The following PRSS3 variants were observed in gnomAD, a reference collection of about 807,000 sequenced individuals.
The protein encoded by PRSS3 is serine protease 3, also known as trypsin-3.
A neutral mutation model predicts 20.8 loss-of-function variants in PRSS3; 14 were observed. That is an observed-to-expected ratio of 0.67 (90% confidence interval 0.44 to 1.05). PRSS3 has a LOEUF of 1.05. Among genes scored for constraint, PRSS3 ranks in the 50% least tolerant of loss-of-function variants. The pLI, the probability that PRSS3 is intolerant of heterozygous loss-of-function variation, is 0.00. For missense variants in PRSS3, 237 were observed against 306.4 expected, an observed-to-expected ratio of 0.77 and a Z score of 1.69; for synonymous variants, 91 against 117.6, an observed-to-expected ratio of 0.77 and a Z score of 1.46.
chr9:33,777,749 T>A (rs1467657155), intron 1 of PRSS3, among the ~76,000 whole-genome samples: 1 of 151,212 alleles, frequency 6.6e-6, no homozygotes, highest in African/African-American at 2.4e-5. Context: ...AGTAAAAACT[T>A]CATCATTGTA....
intron 1 of PRSS3, among the ~76,000 whole-genome samples, chr9:33,774,199 C>G (rs1587382234): frequency 6.6e-6 from 1 of 152,112 alleles, no homozygotes; most frequent in Admixed American, 6.6e-5. Context: ...TTACCTTGTT[C>G]CTCCTGTAAC....
chr9:33,774,914 A>C (rs1375788455), intron 1 of PRSS3, among the ~76,000 whole-genome samples: 1 of 152,130 alleles, frequency 6.6e-6, no homozygotes, highest in Non-Finnish European at 1.5e-5. Flanking sequence ...TGAATCTGGG[A>C]GGCAGAGGTT....
chr9:33,755,010 A>AAT (rs1454803320), intron 1 of PRSS3, among the ~76,000 whole-genome samples: 2 of 152,046 alleles, frequency 1.3e-5, no homozygotes, highest in African/African-American at 2.4e-5. Context: ...AGCAATGGGT[A>AAT]ATGCAGTGGG....
intron 1 of PRSS3, chr9:33,786,491 A>C (rs1364488853): frequency 1.3e-6 from 1 of 740,984 alleles, no homozygotes; most frequent in Non-Finnish European, 2.5e-6. Flanking sequence ...TCTGACCCCA[A>C]GCTTGTCGGC....
rs201884267 is a variant in PRSS3 at position 33,797,986 on chromosome 9, A to G, written c.358A>G (p.Asn120Asp). ...CAAACTCTCCTCACCTGCCGTCATC[A>G]ATGCCCGCGTGTCCACCATCTCTCT... ...LIKLSSPAVI[N>D]ARVSTISLPT... is the part of the protein sequence containing the mutation. Residue 120 changes from asparagine to aspartate, a missense_variant, in exon 3 of 5, where the codon AAT becomes GAT. Asn to Asp is a conservative substitution (Grantham distance 23, BLOSUM62 1). Transcript: ENST00000379405. 9.3e-6 allele frequency: 15 copies of G among 1,614,144 alleles called. No individual in the cohort carries two copies. Among genetic ancestry groups the G allele is most frequent in the East Asian group, 6.7e-5 (3 of 44,898 alleles).
chr9:33,754,565 C>T (rs1364770564), intron 1 of PRSS3, among the ~76,000 whole-genome samples: 1 of 151,984 alleles, frequency 6.6e-6, no homozygotes, highest in Non-Finnish European at 1.5e-5. Flanking sequence ...CACAGTGGCT[C>T]ACGCCTGTAA....
At chr9:33,778,632 A>C (rs1824043336) in intron 1 of PRSS3, among the ~76,000 whole-genome samples, 1 of 152,256 alleles carries the variant, frequency 6.6e-6, no homozygotes, top group Non-Finnish European at 1.5e-5. Context: ...AGACTTGTAT[A>C]CAGAAAAATA....
At chr9:33,760,055 C>G (rs1442722647) in intron 1 of PRSS3, among the ~76,000 whole-genome samples, 2 of 152,176 alleles carry the variant, frequency 1.3e-5, no homozygotes, top group African/African-American at 2.4e-5. Context: ...AAATTTGACT[C>G]CATGACTTTG....
chr9:33,790,846 TATG>T (rs1824600254), upstream of PRSS3, among the ~76,000 whole-genome samples: 1 of 152,138 alleles, frequency 6.6e-6, no homozygotes, highest in Non-Finnish European at 1.5e-5. Context: ...AGTAAATAAA[TATG>T]ATTTCAAAGA....
chr9:33,762,350 T>C (rs546359578), intron 1 of PRSS3, among the ~76,000 whole-genome samples: 8 of 152,162 alleles, frequency 5.3e-5, no homozygotes, highest in Admixed American at 5.2e-4. Flanking sequence ...CTGGACCTCC[T>C]CAGGCCCCTG....
chr9:33,796,884 T>C, intron 2 of PRSS3, 82 bp downstream of exon 2: 3 of 1,610,788 alleles, frequency 1.9e-6, no homozygotes, highest in African/African-American at 1.3e-5. Flanking sequence ...AGTACTGAGG[T>C]TGGGTAAGAC....
chr9:33,759,062 C>T (rs536600524), intron 1 of PRSS3, among the ~76,000 whole-genome samples: 3 of 152,090 alleles, frequency 2.0e-5, no homozygotes, highest in Non-Finnish European at 2.9e-5. Context: ...AGGCTTCCTG[C>T]AGGAGATAAG....
At chr9:33,754,115 G>A (rs1734645) in intron 1 of PRSS3, among the ~76,000 whole-genome samples, 28,436 of 150,668 alleles carry the variant, frequency 0.19, 3,706 homozygotes, top group African/African-American at 0.37. Flanking sequence ...CTTTTGAGAT[G>A]GAGTCTCACT....
intron 1 of PRSS3, among the ~76,000 whole-genome samples, chr9:33,756,378 G>T (rs1410267645): frequency 2.0e-5 from 3 of 152,058 alleles, no homozygotes; most frequent in Non-Finnish European, 2.9e-5. Context: ...TGTTGGGGTG[G>T]GGTTTTTTGG....
At chr9:33,798,699 G>A (rs1825162309) in intron 4 of PRSS3, 77 bp downstream of exon 4, 1 of 1,608,084 alleles carries the variant, frequency 6.2e-7, no homozygotes, top group Non-Finnish European at 8.5e-7. Flanking sequence ...GAACTCCCAA[G>A]GTGGCAGGGC....
chr9:33,796,932 G>T, intron 2 of PRSS3, 130 bp downstream of exon 2: 1 of 1,444,370 alleles, frequency 6.9e-7, no homozygotes, highest in East Asian at 2.4e-5. Context: ...CTTGTTGACA[G>T]CAGCTGACTC....
intron 4 of PRSS3, 133 bp from the exon 5 acceptor site, chr9:33,798,895 A>G: frequency 7.9e-7 from 1 of 1,266,666 alleles, no homozygotes; most frequent in Non-Finnish European, 1.1e-6. Flanking sequence ...GGAAGAACAG[A>G]GAATGGGCCA....
At chr9:33,791,799 C>G (rs576646120), upstream of PRSS3, among the ~76,000 whole-genome samples, 153 of 152,330 alleles carry the variant, frequency 1.0e-3, no homozygotes, top group Non-Finnish European at 1.6e-3. Context: ...GTCTCAAGTG[C>G]TAGAGGCTTC....
intron 1 of PRSS3, among the ~76,000 whole-genome samples, chr9:33,787,348 A>G (rs372917808): frequency 6.6e-6 from 1 of 152,186 alleles, no homozygotes; most frequent in African/African-American, 2.4e-5. Flanking sequence ...TGACACATGC[A>G]TCCCAGACCA....
Sources: allele counts gnomAD v4.1 joint callset (sites outside exome capture counted in the v4.1 genomes callset), GRCh38; gene constraint gnomAD v4.1.1; transcripts MANE v1.5; gene names NCBI Gene and HGNC (gene_info 2026-07-23, HGNC 2026-07-21).